ENTREP2: variants seen among roughly 807,000 people sequenced by gnomAD.
ENTREP2 encodes endosomal transmembrane epsin interactor 2, also known as protein ENTREP2.
At chr15:29,175,589 T>C in the ENTREP2 span, among the ~76,000 whole-genome samples, 3 of 152,196 alleles carry the variant, frequency 2.0e-5, no homozygotes, top group African/African-American at 7.2e-5. Flanking sequence ...ACAGGAACGC[T>C]GATGTTTGTC....
At chr15:29,599,109 A>AT in the ENTREP2 span, among the ~76,000 whole-genome samples, 3 of 152,188 alleles carry the variant, frequency 2.0e-5, no homozygotes, top group African/African-American at 7.2e-5. Context: ...TTTTAAGAGG[A>AT]TTTTTAAACC....
At chr15:29,397,383 T>C in the ENTREP2 span, among the ~76,000 whole-genome samples, 2 of 151,852 alleles carry the variant, frequency 1.3e-5, no homozygotes, top group Non-Finnish European at 2.9e-5. Context: ...AGAGTGAGAC[T>C]CCATCTTAAA....
At chr15:29,384,293 T>C in the ENTREP2 span, among the ~76,000 whole-genome samples, 1 of 152,086 alleles carries the variant, frequency 6.6e-6, no homozygotes, top group African/African-American at 2.4e-5. Flanking sequence ...TGCCATCATG[T>C]TTTGAGCTCA....
chr15:29,142,040 T>C, the ENTREP2 span, among the ~76,000 whole-genome samples: 4 of 152,022 alleles, frequency 2.6e-5, no homozygotes, highest in African/African-American at 9.7e-5. Context: ...AAAGACTCAA[T>C]AAAGGAGGGC....
At chr15:29,423,510 C>CG in the ENTREP2 span, among the ~76,000 whole-genome samples, 4 of 151,564 alleles carry the variant, frequency 2.6e-5, no homozygotes, top group Non-Finnish European at 5.9e-5. Context: ...TTATTTGGGC[C>CG]GGCGCGGTGG....
At chr15:29,644,466 G>C in the ENTREP2 span, among the ~76,000 whole-genome samples, 1 of 152,184 alleles carries the variant, frequency 6.6e-6, no homozygotes, top group Non-Finnish European at 1.5e-5. Context: ...ATAGAGACAG[G>C]GAAGTAAACG....
At chr15:29,527,000 C>T in the ENTREP2 span, among the ~76,000 whole-genome samples, 1 of 152,152 alleles carries the variant, frequency 6.6e-6, no homozygotes, top group African/African-American at 2.4e-5. Context: ...CAGTTGTCAC[C>T]AACCCATTTG....
At chr15:29,667,405 G>T in the ENTREP2 span, among the ~76,000 whole-genome samples, 25 of 150,396 alleles carry the variant, frequency 1.7e-4, no homozygotes, top group Non-Finnish European at 3.1e-4. Flanking sequence ...AGCCAGGATG[G>T]TCTCAATCTC....
the ENTREP2 span, chr15:29,268,497 A>G: frequency 4.7e-5 from 17 of 362,766 alleles, no homozygotes; most frequent in East Asian, 7.2e-4. Context: ...TCCTTCTTGC[A>G]TTATCTGTTC....
chr15:29,203,389 G>A, the ENTREP2 span, among the ~76,000 whole-genome samples: 3 of 152,082 alleles, frequency 2.0e-5, no homozygotes, highest in Non-Finnish European at 4.4e-5. Context: ...GTGACAGAGC[G>A]AGACTCTGTC....
chr15:29,414,630 G>A, the ENTREP2 span, among the ~76,000 whole-genome samples: 2 of 152,010 alleles, frequency 1.3e-5, no homozygotes, highest in African/African-American at 2.4e-5. Context: ...GCTAGCAGAA[G>A]GCAAGAAATA....
the ENTREP2 span, among the ~76,000 whole-genome samples, chr15:29,238,159 A>G: frequency 6.6e-6 from 1 of 152,212 alleles, no homozygotes; most frequent in African/African-American, 2.4e-5. Flanking sequence ...AAATTTATAA[A>G]GACAGAAAGT....
the ENTREP2 span, chr15:29,267,313 G>A: frequency 6.6e-6 from 1 of 152,144 alleles, no homozygotes; most frequent in Non-Finnish European, 1.5e-5. Flanking sequence ...TGAATAAAAC[G>A]TGTTGAATCT....
the ENTREP2 span, chr15:29,374,354 T>C: frequency 6.6e-6 from 1 of 152,158 alleles, no homozygotes; most frequent in Non-Finnish European, 1.5e-5. Context: ...CTTAGCCAAC[T>C]CTTTGGGGTT....
At chr15:29,277,913 C>T in the ENTREP2 span, among the ~76,000 whole-genome samples, 5 of 151,464 alleles carry the variant, frequency 3.3e-5, no homozygotes, top group Admixed American at 6.6e-5. Context: ...AGGGACAATG[C>T]GAATAGGTTA....
At chr15:29,579,686 A>ATTTTT in the ENTREP2 span, among the ~76,000 whole-genome samples, 38 of 55,820 alleles carry the variant, frequency 6.8e-4, 4 homozygotes, top group African/African-American at 1.6e-3. Context: ...CACCCAGCTA[A>ATTTTT]TTTTTTTTTT....
the ENTREP2 span, among the ~76,000 whole-genome samples, chr15:29,587,407 G>C: frequency 6.6e-6 from 1 of 152,044 alleles, no homozygotes. Context: ...CACTTTAGAT[G>C]TTCTTATTTG....
chr15:29,573,214 G>A, the ENTREP2 span, among the ~76,000 whole-genome samples: 4 of 152,188 alleles, frequency 2.6e-5, no homozygotes, highest in Non-Finnish European at 5.9e-5. Flanking sequence ...TTTGGTGAAG[G>A]TGGGTTAGGA....
the ENTREP2 span, among the ~76,000 whole-genome samples, chr15:29,563,548 C>T: frequency 6.6e-6 from 1 of 152,100 alleles, no homozygotes; most frequent in Non-Finnish European, 1.5e-5. Context: ...ATTTCTGATT[C>T]AGGATGGGAG....
Sources: gnomAD v4.1 joint callset for allele counts (sites outside exome capture counted in the v4.1 genomes callset) on GRCh38, gnomAD v4.1.1 for gene constraint, MANE v1.5 for transcripts, NCBI Gene and HGNC (gene_info 2026-07-23, HGNC 2026-07-21) for gene names.